Variants in ROBO2 observed in about 807,000 individuals in gnomAD.
ROBO2 encodes the protein roundabout homolog 2.
ROBO2 carries 53 observed loss-of-function variants against 160.8 expected under a neutral mutation model. That is an observed-to-expected ratio of 0.33 (90% CI 0.26 to 0.41). The LOEUF (loss-of-function observed/expected upper bound fraction) is 0.41, where lower values mean the gene tolerates loss of function less well. ROBO2 is among the 10% of genes least tolerant of loss of function. The probability of loss-of-function intolerance (pLI) is 1.00; values close to 1 mark genes in which losing one functional copy is unlikely to be tolerated. For synonymous variants in ROBO2, 664 were observed against 611.7 expected (o/e 1.09, Z -1.26); for missense variants, 1,577 against 1,722.4 (o/e 0.92, Z 1.49).
intron 2 of ROBO2, among the ~76,000 whole-genome samples, chr3:76,544,588 C>G (rs2082993886): frequency 6.6e-6 from 1 of 151,956 alleles, no homozygotes; most frequent in Admixed American, 6.6e-5. Context: ...TTTTAAAATA[C>G]CCATATTTGT....
intron 2 of ROBO2, among the ~76,000 whole-genome samples, chr3:77,331,853 G>T (rs1167061838): frequency 6.6e-6 from 1 of 151,954 alleles, no homozygotes; most frequent in Non-Finnish European, 1.5e-5. Flanking sequence ...TTACAGGCAC[G>T]TGCCACCACG....
At chr3:76,412,557 C>G (rs972233491) in intron 2 of ROBO2, among the ~76,000 whole-genome samples, 1 of 152,204 alleles carries the variant, frequency 6.6e-6, no homozygotes, top group African/African-American at 2.4e-5. Flanking sequence ...AATACAGCCA[C>G]TCCAAATGGA....
At chr3:76,998,523 G>A (rs2061156778) in intron 2 of ROBO2, among the ~76,000 whole-genome samples, 1 of 152,010 alleles carries the variant, frequency 6.6e-6, no homozygotes. Context: ...TAACATACAT[G>A]TAATACTCAT....
intron 2 of ROBO2, among the ~76,000 whole-genome samples, chr3:76,698,960 A>G (rs1387564863): frequency 6.6e-6 from 1 of 152,184 alleles, no homozygotes; most frequent in African/African-American, 2.4e-5. Context: ...TTATTTTTTA[A>G]AAGTATGTAA....
At position 76,953,323 on chromosome 3, in the gene ROBO2, T is replaced by C. The variant is rs143247677; in HGVS notation, c.110-144691T>C. Among the ~76,000 whole-genome samples the C allele has an allele frequency of 5.5e-3, 844 of 152,286 alleles. 9 individuals carry two copies. Among genetic ancestry groups the C allele is most frequent in the African/African-American group, 0.019 (779 of 41,568 alleles). On this transcript the variant is annotated intron_variant, in intron 2 of 26. Transcript: ENST00000487694. ...ACGTAATCTATTCGATTACAATAGG[T>C]GGCACATGTATATAAAGAGCTTAGT...
chr3:77,126,209 G>A (rs867500392), intron 2 of ROBO2, among the ~76,000 whole-genome samples: 3 of 152,220 alleles, frequency 2.0e-5, no homozygotes, highest in South Asian at 2.1e-4. Context: ...ACTTGTAGCT[G>A]AGGAGAGGAA....
intron 2 of ROBO2, among the ~76,000 whole-genome samples, chr3:77,200,267 T>TATATA (rs2082724800): frequency 8.6e-5 from 4 of 46,582 alleles, no homozygotes; most frequent in Non-Finnish European, 1.1e-4. Context: ...CTAACATATT[T>TATATA]TATATATATA....
At chr3:77,392,373 C>T (rs758058300) in intron 2 of ROBO2, among the ~76,000 whole-genome samples, 2 of 152,204 alleles carry the variant, frequency 1.3e-5, no homozygotes, top group East Asian at 1.9e-4. Context: ...TAAGCTGCAA[C>T]GGCAACCCTG....
intron 2 of ROBO2, among the ~76,000 whole-genome samples, chr3:76,480,777 G>A (rs2079166761): frequency 6.6e-6 from 1 of 152,022 alleles, no homozygotes; most frequent in Admixed American, 6.6e-5. Context: ...TACATATTTT[G>A]GGTGGACCCA....
At chr3:76,397,538 A>G (rs1382960605) in intron 2 of ROBO2, among the ~76,000 whole-genome samples, 4 of 151,904 alleles carry the variant, frequency 2.6e-5, no homozygotes, top group South Asian at 2.1e-4. Flanking sequence ...TGAACAGGCA[A>G]CCTACAAAAT....
At chr3:77,549,903 C>CT (rs34999693) in intron 7 of ROBO2, among the ~76,000 whole-genome samples, 1 of 151,820 alleles carries the variant, frequency 6.6e-6, no homozygotes, top group Non-Finnish European at 1.5e-5. Flanking sequence ...TTAAAATGTC[C>CT]TTTTTTGTAA....
intron 2 of ROBO2, among the ~76,000 whole-genome samples, chr3:76,168,671 C>A (rs1425055112): frequency 1.3e-5 from 2 of 152,046 alleles, no homozygotes; most frequent in Admixed American, 1.3e-4. Flanking sequence ...AAACAACACC[C>A]TTCAAGATTA....
chr3:76,295,913 C>T (rs952207204), intron 2 of ROBO2, among the ~76,000 whole-genome samples: 1 of 152,124 alleles, frequency 6.6e-6, no homozygotes. Flanking sequence ...TAGTATAATA[C>T]TGCAAACCAA....
intron 2 of ROBO2, among the ~76,000 whole-genome samples, chr3:76,520,877 C>A (rs2081575809): frequency 1.3e-5 from 2 of 152,092 alleles, no homozygotes; most frequent in South Asian, 4.1e-4. Flanking sequence ...CAGAATGTAA[C>A]CTTTCATATC....
intron 2 of ROBO2, among the ~76,000 whole-genome samples, chr3:76,155,253 T>C (rs1178495860): frequency 6.6e-6 from 1 of 152,166 alleles, no homozygotes; most frequent in African/African-American, 2.4e-5. Context: ...TAACATTATG[T>C]GCCTACTGAT....
intron 2 of ROBO2, among the ~76,000 whole-genome samples, chr3:76,225,545 T>C (rs1478917484): frequency 2.6e-5 from 4 of 151,996 alleles, no homozygotes; most frequent in Non-Finnish European, 4.4e-5. Flanking sequence ...CAAAATCCAG[T>C]CTTTACAAAA....
intron 2 of ROBO2, among the ~76,000 whole-genome samples, chr3:77,469,259 C>T (rs535900909): frequency 3.3e-5 from 5 of 152,288 alleles, no homozygotes; most frequent in East Asian, 1.9e-4. Flanking sequence ...TTTGTCCAGC[C>T]ATGTCCTTAA....
At chr3:76,740,688 G>T (rs540306054) in intron 2 of ROBO2, among the ~76,000 whole-genome samples, 35 of 152,110 alleles carry the variant, frequency 2.3e-4, no homozygotes, top group African/African-American at 8.4e-4. Context: ...AAATCTTTGA[G>T]AACTAAATTA....
intron 2 of ROBO2, among the ~76,000 whole-genome samples, chr3:76,017,990 G>A (rs576465867): frequency 2.6e-4 from 39 of 152,132 alleles, no homozygotes; most frequent in African/African-American, 8.2e-4. Flanking sequence ...CCAACATTTA[G>A]GGAAATTGAG....
Sources: gnomAD v4.1 joint callset for allele counts (sites outside exome capture counted in the v4.1 genomes callset) on GRCh38, gnomAD v4.1.1 for gene constraint, MANE v1.5 for transcripts, NCBI Gene and HGNC (gene_info 2026-07-23, HGNC 2026-07-21) for gene names.